The following LPCAT1 variants were observed in gnomAD, a reference collection of about 807,000 sequenced individuals.
The protein encoded by LPCAT1 is 1-acylglycerol-3-phosphate O-acyltransferase.
LPCAT1 carries 23 observed loss-of-function variants against 60.9 expected under a neutral mutation model. That is an observed-to-expected ratio of 0.38 (90% CI 0.27 to 0.53). LPCAT1 has a LOEUF of 0.53. Ranked by LOEUF, LPCAT1 falls within the 20% of genes least tolerant of loss-of-function variation. The pLI is 0.82. For missense variants in LPCAT1, 622 were observed against 723.6 expected (o/e 0.86, Z 1.61); for synonymous variants, 340 against 301.1 (o/e 1.13, Z -1.34).
intron 1 of LPCAT1, among the ~76,000 whole-genome samples, chr5:1,511,680 G>C (rs1736361487): frequency 6.6e-6 from 1 of 152,186 alleles, no homozygotes; most frequent in Non-Finnish European, 1.5e-5. Context: ...TTCCTCTCTT[G>C]AACACAGAGC....
Position 1,483,945 on chromosome 5 carries a change from C to G in LPCAT1, c.668-459G>C, listed in dbSNP as rs1735271143. On this transcript the variant is annotated intron_variant, in intron 5 of 13. Transcript: ENST00000283415. The surrounding 1 kb of genome is among the most constrained non-coding windows in gnomAD (Gnocchi z 9.2). Reference sequence around the variant, plus strand: ...TTTCTGCTGTAACATCGCGCACCAGCTGGAAGGCGTTGGTGGGAAGTGGGG... The same window carrying G: ...TTTCTGCTGTAACATCGCGCACCAGGTGGAAGGCGTTGGTGGGAAGTGGGG... Among the ~76,000 whole-genome samples, 1 of 152,224 alleles carries G rather than the reference C, an allele frequency of 6.6e-6. No individual in the cohort carries two copies. Among genetic ancestry groups the G allele is most frequent in the Non-Finnish European group, 1.5e-5 (1 of 68,046 alleles).
intron 11 of LPCAT1, among the ~76,000 whole-genome samples, chr5:1,472,207 G>A (rs943483399): frequency 6.6e-6 from 1 of 151,298 alleles, no homozygotes; most frequent in African/African-American, 2.4e-5. Flanking sequence ...GAGGTGAGGA[G>A]CACCCAGGGG....
rs1736701967 is a variant in LPCAT1 at position 1,522,343 on chromosome 5, G to C, written c.135+1367C>G. The stretch of plus-strand genomic sequence containing the variant: ...CCGTGTCCCAAGTCCTCCTTTGAGG[G>C]GCACAGCACACGGCAGCTGACAGCG... On this transcript the variant is annotated intron_variant, in intron 1 of 13. Coordinates refer to ENST00000283415, the MANE Select transcript of LPCAT1 (RefSeq NM_024830.5). This position sits in a 1 kb window ranked among gnomAD's most constrained non-coding sequence, Gnocchi z 6.8. Among the ~76,000 whole-genome samples, 1 of 152,192 alleles carries C rather than the reference G, an allele frequency of 6.6e-6. No homozygotes were observed. Among genetic ancestry groups the C allele is most frequent in the Non-Finnish European group, 1.5e-5 (1 of 68,020 alleles).
rs899229510 is a variant in LPCAT1 at position 1,463,617 on chromosome 5, C to A, written c.*34G>T. The A allele has an allele frequency of 2.5e-6, 4 of 1,608,544 alleles. No individual in the cohort carries two copies. In the South Asian group the frequency reaches 3.3e-5, roughly 13 times the overall value. ...GAGGCTCATGGCGGTGATGTCCACGCGGGAGGGGCCGCGTCTCTCCGCAAC... is the reference window on the plus strand; with the variant it reads ...GAGGCTCATGGCGGTGATGTCCACGAGGGAGGGGCCGCGTCTCTCCGCAAC... On this transcript the variant is annotated 3_prime_UTR_variant, in exon 14 of 14. Coordinates refer to ENST00000283415, the MANE Select transcript of LPCAT1 (RefSeq NM_024830.5).
At chr5:1,488,742 G>T (rs1735461867) in intron 4 of LPCAT1, among the ~76,000 whole-genome samples, 1 of 152,210 alleles carries the variant, frequency 6.6e-6, no homozygotes, top group African/African-American at 2.4e-5. Context: ...CTCAGACACT[G>T]TGAGAACCAG....
intron 13 of LPCAT1, 87 bp from the exon 14 acceptor site, chr5:1,463,922 G>A: frequency 1.4e-6 from 2 of 1,392,038 alleles, no homozygotes; most frequent in Admixed American, 1.9e-5. Context: ...GCCCTGGTGG[G>A]TGTCCACCTC....
At chr5:1,516,487 C>T (rs987002368) in intron 1 of LPCAT1, among the ~76,000 whole-genome samples, 2 of 152,200 alleles carry the variant, frequency 1.3e-5, no homozygotes, top group Non-Finnish European at 2.9e-5. Flanking sequence ...CTGCCCAGCC[C>T]GGCGGCATCC....
At chr5:1,470,225 C>T (rs1734611448) in intron 12 of LPCAT1, among the ~76,000 whole-genome samples, 1 of 152,242 alleles carries the variant, frequency 6.6e-6, no homozygotes, top group Non-Finnish European at 1.5e-5. Flanking sequence ...ATTGGTGCTG[C>T]TGGAGCCTCA....
In LPCAT1 at chr5:1,502,239, G is replaced by A. The variant is rs1370193832; in HGVS notation, c.136-636C>T. ...CAACCCCAGGCAGCTCCACCCCGCA[G>A]GACGCACCCCCAGGCAGCTCCGCCC... On this transcript the variant is annotated intron_variant, in intron 1 of 13. Coordinates refer to ENST00000283415, the MANE Select transcript of LPCAT1 (RefSeq NM_024830.5). This position sits in a 1 kb window ranked among gnomAD's most constrained non-coding sequence, Gnocchi z 5.5. Among the ~76,000 whole-genome samples, 1 of 152,018 alleles carries A rather than the reference G, an allele frequency of 6.6e-6. No homozygotes were observed. Among genetic ancestry groups the A allele is most frequent in the Non-Finnish European group, 1.5e-5 (1 of 67,978 alleles).
In LPCAT1 at chr5:1,494,713, G is replaced by A. The variant is rs578249041; in HGVS notation, c.480C>T (p.Ile160=). 1.2e-6 allele frequency: 2 copies of A among 1,614,148 alleles called. No homozygotes were observed. Among genetic ancestry groups the A allele is most frequent in the Admixed American group, 1.7e-5 (1 of 60,030 alleles). The change falls in exon 3 of 14, where the codon ATC becomes ATT. Residue 160 remains isoleucine (I), a synonymous_variant. Coordinates refer to ENST00000283415, the MANE Select transcript of LPCAT1 (RefSeq NM_024830.5). ...SIVMKAESRD[I]PIWGTLIQYI... Reference sequence around the variant, plus strand: ...TGTCTCACTCACTTCCCCAGATCGGGATGTCTCTGCTCTCTGCCTTCATCA... The same window carrying A: ...TGTCTCACTCACTTCCCCAGATCGGAATGTCTCTGCTCTCTGCCTTCATCA...
Position 1,489,897 on chromosome 5 carries a change from C to CGCA in LPCAT1, c.494-40_494-39insTGC. 2.1e-6 allele frequency: 3 copies of CGCA among 1,439,844 alleles called. 1 individual carries two copies. In the South Asian group the frequency reaches 3.4e-5, roughly 16 times the overall value. 89.2% of individuals were successfully genotyped at this position (1,439,844 alleles called of 1,614,324 possible). ...GGGGAGACGGATCACGTGGAATGCA[C>CGCA]GGCTCCCGCCAGGCAGGGCTGAGGA... On this transcript the variant is annotated intron_variant, in intron 3 of 13. Transcript: ENST00000283415.
chr5:1,512,161 C>T (rs1283975752), intron 1 of LPCAT1, among the ~76,000 whole-genome samples: 1 of 152,198 alleles, frequency 6.6e-6, no homozygotes, highest in Non-Finnish European at 1.5e-5. Context: ...CAGGGCTTGG[C>T]AGGCACAGTA....
chr5:1,518,831 G>C (rs918221542), intron 1 of LPCAT1, among the ~76,000 whole-genome samples: 16 of 152,364 alleles, frequency 1.1e-4, no homozygotes, highest in African/African-American at 3.6e-4. Context: ...GTAAAAACAT[G>C]TGCTCCTTTA....
chr5:1,509,927 CAGG>C (rs1358462190), intron 1 of LPCAT1, among the ~76,000 whole-genome samples: 2 of 152,210 alleles, frequency 1.3e-5, no homozygotes, highest in Non-Finnish European at 2.9e-5. Context: ...GTGAGGCCTG[CAGG>C]AGGAGGGATG....
rs962291141 is a variant in LPCAT1, at chr5:1,502,264, C to T, written c.136-661G>A. Among the ~76,000 whole-genome samples the T allele has an allele frequency of 1.3e-5, 2 of 152,036 alleles. No individual in the cohort carries two copies. Among genetic ancestry groups the T allele is most frequent in the Non-Finnish European group, 2.9e-5 (2 of 68,010 alleles). ...GGACGCACCCCCAGGCAGCTCCGCC[C>T]CCCAGGACACACCCCCAGCCCCGCA... is the stretch of plus-strand genomic sequence containing the variant. On this transcript the variant is annotated intron_variant, in intron 1 of 13. Coordinates refer to ENST00000283415, the MANE Select transcript of LPCAT1 (RefSeq NM_024830.5). This position sits in a 1 kb window ranked among gnomAD's most constrained non-coding sequence, Gnocchi z 5.5.
intron 12 of LPCAT1, 192 bp from the exon 13 acceptor site, chr5:1,467,082 C>G (rs973820358): frequency 6.3e-6 from 3 of 476,952 alleles, no homozygotes; most frequent in Non-Finnish European, 1.0e-5. Flanking sequence ...TGGATCTGGC[C>G]CCCTCCAGGT....
intron 9 of LPCAT1, among the ~76,000 whole-genome samples, chr5:1,475,558 A>G (rs748701800): frequency 1.3e-5 from 2 of 152,178 alleles, no homozygotes; most frequent in Non-Finnish European, 2.9e-5. Flanking sequence ...CCAGATGAAA[A>G]CCAAGGTCGA....
intron 1 of LPCAT1, among the ~76,000 whole-genome samples, chr5:1,501,889 ACTGACCAAGGCTGACCGGTG>A (rs1282177268): frequency 2.2e-4 from 33 of 151,722 alleles, no homozygotes; most frequent in African/African-American, 7.0e-4. Context: ...ATTGACCGGC[ACTGACCAAGGCTGACCGGTG>A]CTGACCAAGG....
chr5:1,506,731 C>T (rs534526130), intron 1 of LPCAT1, among the ~76,000 whole-genome samples: 1 of 152,360 alleles, frequency 6.6e-6, no homozygotes, highest in Admixed American at 6.5e-5. Context: ...GCTGGCAGTG[C>T]GGTCTCCCAG....
Sources: gnomAD v4.1 joint callset for allele counts (sites outside exome capture counted in the v4.1 genomes callset) on GRCh38, gnomAD v4.1.1 for gene constraint, Gnocchi (gnomAD v3.1) non-coding constraint, MANE v1.5 for transcripts, NCBI Gene and HGNC (gene_info 2026-07-23, HGNC 2026-07-21) for gene names.